The following PAG1 variants were observed in gnomAD, a reference collection of about 807,000 sequenced individuals.
PAG1 encodes the protein phosphoprotein associated with glycosphingolipid-enriched microdomains 1.
PAG1 carries 23 observed loss-of-function variants against 31.7 expected under a neutral mutation model. That is an observed-to-expected ratio of 0.73 (90% confidence interval 0.52 to 1.03). The LOEUF (loss-of-function observed/expected upper bound fraction) is 1.03, where lower values mean the gene tolerates loss of function less well. PAG1 is among the 50% of genes least tolerant of loss of function. PAG1 has a pLI of 0.00. For missense variants in PAG1, 473 were observed against 540.7 expected (o/e 0.87, Z 1.24); for synonymous variants, 214 against 210.3 (o/e 1.02, Z -0.15).
chr8:81,020,437 C>T (rs904618922), intron 3 of PAG1, among the ~76,000 whole-genome samples: 1 of 152,102 alleles, frequency 6.6e-6, no homozygotes. Flanking sequence ...ATCATGGGGG[C>T]GGGACTTTCC....
chr8:81,017,490 C>T (rs561581991), intron 3 of PAG1, among the ~76,000 whole-genome samples: 1 of 152,306 alleles, frequency 6.6e-6, no homozygotes, highest in East Asian at 1.9e-4. Context: ...TTGACAAAAG[C>T]AGGATGTTAC....
intron 2 of PAG1, among the ~76,000 whole-genome samples, chr8:81,031,330 T>C (rs1226029478): frequency 1.3e-5 from 2 of 152,238 alleles, no homozygotes; most frequent in African/African-American, 4.8e-5. Context: ...CTTTCTGCTG[T>C]CAATCTCATC....
chr8:81,073,616 C>T (rs920141793), intron 1 of PAG1, among the ~76,000 whole-genome samples: 1 of 152,184 alleles, frequency 6.6e-6, no homozygotes, highest in Non-Finnish European at 1.5e-5. Context: ...AATCACATCT[C>T]CCATGCTAGT....
At chr8:80,997,763 A>G (rs1197450969) in intron 3 of PAG1, among the ~76,000 whole-genome samples, 1 of 144,748 alleles carries the variant, frequency 6.9e-6, no homozygotes, top group Non-Finnish European at 1.5e-5. Context: ...GTTGTACATT[A>G]ATTCTGTTTG....
intron 1 of PAG1, among the ~76,000 whole-genome samples, chr8:81,105,143 A>G (rs942295605): frequency 6.6e-6 from 1 of 152,076 alleles, no homozygotes; most frequent in African/African-American, 2.4e-5. Flanking sequence ...CTGCGTTAGG[A>G]AAAGTCATCC....
intron 2 of PAG1, among the ~76,000 whole-genome samples, chr8:81,064,833 T>C (rs1704353096): frequency 2.0e-5 from 3 of 152,212 alleles, no homozygotes; most frequent in African/African-American, 7.2e-5. Context: ...CACCAGGTTA[T>C]CTCCATGCCT....
At chr8:81,072,038 G>A (rs567481033) in intron 1 of PAG1, among the ~76,000 whole-genome samples, 20 of 152,332 alleles carry the variant, frequency 1.3e-4, no homozygotes, top group South Asian at 6.2e-4. Flanking sequence ...AGCGGCACAG[G>A]GGCCCACTGA....
chr8:81,016,274 A>G (rs188920057), intron 3 of PAG1, among the ~76,000 whole-genome samples: 244 of 152,324 alleles, frequency 1.6e-3, no homozygotes, highest in Non-Finnish European at 2.7e-3. Context: ...TATAGGAGGT[A>G]TTATTGTCCT....
intron 1 of PAG1, among the ~76,000 whole-genome samples, chr8:81,079,328 G>GAA (rs1272789795): frequency 6.6e-6 from 1 of 151,862 alleles, no homozygotes; most frequent in Non-Finnish European, 1.5e-5. Context: ...TCCTCGACTG[G>GAA]AAAAAAACAA....
rs1377646661 is a variant in PAG1, at chr8:81,079,647, T to G, written c.-233-9477A>C. Among the ~76,000 whole-genome samples the G allele has an allele frequency of 2.6e-5, 4 of 152,104 alleles. No individual in the cohort carries two copies. In the East Asian group the frequency reaches 5.8e-4, roughly 22 times the overall value. On this transcript the variant is annotated intron_variant, in intron 1 of 8. Transcript: ENST00000220597. ...CCCTTAAGAGAAAGACCAATAGGGG[T>G]GGAGGGGCCTTGAATTGTAGAACTG...
intron 2 of PAG1, among the ~76,000 whole-genome samples, chr8:81,038,010 C>G (rs145898001): frequency 1.2e-4 from 19 of 152,316 alleles, no homozygotes; most frequent in African/African-American, 4.6e-4. Flanking sequence ...ACCTGGAACA[C>G]CGGGTTGTCT....
chr8:81,078,365 T>C (rs12681475), intron 1 of PAG1, among the ~76,000 whole-genome samples: 62,954 of 152,064 alleles, frequency 0.41, 15,612 homozygotes, highest in East Asian at 0.67. Context: ...TAAGTCCTTC[T>C]TCACCAGGGC....
intron 3 of PAG1, among the ~76,000 whole-genome samples, chr8:81,016,743 G>T (rs1199608124): frequency 6.6e-6 from 1 of 152,136 alleles, no homozygotes; most frequent in Non-Finnish European, 1.5e-5. Flanking sequence ...ATCAAGAAAT[G>T]AAATCTCTTT....
intron 3 of PAG1, among the ~76,000 whole-genome samples, chr8:81,026,688 T>C (rs1446374542): frequency 6.6e-6 from 1 of 152,010 alleles, no homozygotes; most frequent in Non-Finnish European, 1.5e-5. Context: ...GCAGGCAGGA[T>C]AGGAGGCATG....
At chr8:81,016,951 G>T (rs1446936569) in intron 3 of PAG1, among the ~76,000 whole-genome samples, 3 of 152,304 alleles carry the variant, frequency 2.0e-5, no homozygotes, top group Non-Finnish European at 4.4e-5. Flanking sequence ...ACAGAGCTTG[G>T]TCAGCCAGCT....
chr8:80,991,516 C>G lies in PAG1; in HGVS notation c.140G>C (p.Arg47Pro). The G allele has an allele frequency of 3.7e-6, 6 of 1,613,650 alleles. No homozygotes were observed. Among genetic ancestry groups the G allele is most frequent in the Non-Finnish European group, 5.1e-6 (6 of 1,179,544 alleles). Residue 47 changes from arginine (R) to proline (P), a missense_variant, in exon 5 of 9, where the codon CGA (arginine) becomes CCA (proline). Coordinates refer to ENST00000220597, the MANE Select transcript of PAG1 (RefSeq NM_018440.4). ...GTTCTCATGGTCCCCACTATGCTGT[C>G]GCGGCTTCTTTTCCCTGAAATGAAA... The part of the protein sequence containing the change: ...CSSCDREKKP[R>P]QHSGDHENLM...
chr8:81,016,485 ACTAC>A (rs1808074888), intron 3 of PAG1, among the ~76,000 whole-genome samples: 1 of 152,182 alleles, frequency 6.6e-6, no homozygotes, highest in Non-Finnish European at 1.5e-5. Context: ...TAGGGAACTT[ACTAC>A]CTCCATTTTG....
At chr8:81,073,549 T>C (rs1809127570) in intron 1 of PAG1, among the ~76,000 whole-genome samples, 1 of 152,212 alleles carries the variant, frequency 6.6e-6, no homozygotes, top group Non-Finnish European at 1.5e-5. Context: ...GCTTTTTAAA[T>C]ACATGTGTGG....
At position 80,991,464 on chromosome 8, in the gene PAG1, C is replaced by T; in HGVS notation, c.177+15G>A. On this transcript the variant is annotated intron_variant, in intron 5 of 8. Coordinates refer to ENST00000220597, the MANE Select transcript of PAG1 (RefSeq NM_018440.4). ...CACGCACGGACAGACAGGCAGACGA[C>T]ACGCGCAGGCTCACCACGTTCATCA... The T allele has an allele frequency of 6.2e-7, 1 of 1,605,714 alleles. No homozygotes were observed. The highest frequency in any genetic ancestry group is 1.1e-5 in the South Asian group (1 of 90,920).
Sources: gnomAD v4.1 joint callset for allele counts (sites outside exome capture counted in the v4.1 genomes callset) on GRCh38, gnomAD v4.1.1 for gene constraint, MANE v1.5 for transcripts, NCBI Gene and HGNC (gene_info 2026-07-23, HGNC 2026-07-21) for gene names.